MIA2: variants seen among roughly 807,000 people sequenced by gnomAD.
MIA2 encodes the protein melanoma inhibitory activity protein 2.
In MIA2, 127 loss-of-function variants were observed where a neutral mutation model predicts 167.8. That is an observed-to-expected ratio of 0.76 (90% CI 0.66 to 0.88). The LOEUF is 0.88. Among genes scored for constraint, MIA2 ranks in the 40% least tolerant of loss-of-function variants. The probability of loss-of-function intolerance (pLI) is 0.00; values close to 1 mark genes in which losing one functional copy is unlikely to be tolerated. For missense variants in MIA2, 1,690 were observed against 1,624.7 expected (o/e 1.04, Z -0.69); for synonymous variants, 552 against 541.9 (o/e 1.02, Z -0.26).
chr14:39,302,328 A>G (rs1252926783), intron 15 of MIA2, 79 bp downstream of exon 15: 6 of 1,494,710 alleles, frequency 4.0e-6, no homozygotes, highest in Non-Finnish European at 5.5e-6. Flanking sequence ...TGTGTGCACC[A>G]TGTTCTTTAT....
At chr14:39,251,109 A>G (rs1004451820) in intron 4 of MIA2, among the ~76,000 whole-genome samples, 41 of 152,204 alleles carry the variant, frequency 2.7e-4, no homozygotes, top group Admixed American at 2.4e-3. Context: ...ACAAATGAAA[A>G]CTTGCTGTAA....
chr14:39,312,096 G>A (rs1429149010), intron 18 of MIA2, among the ~76,000 whole-genome samples: 2 of 152,130 alleles, frequency 1.3e-5, no homozygotes, highest in African/African-American at 4.8e-5. Flanking sequence ...CCAAAGTGCT[G>A]GGATTATAGG....
intron 9 of MIA2, among the ~76,000 whole-genome samples, chr14:39,288,462 TATATATA>T (rs2060194389): frequency 1.0e-4 from 2 of 20,042 alleles, no homozygotes; most frequent in African/African-American, 1.7e-4. Context: ...TATATATATA[TATATATA>T]TATATATTTT....
intron 2 of MIA2, 41 bp downstream of exon 2, chr14:39,237,096 C>A (rs1013452117): frequency 6.3e-7 from 1 of 1,597,982 alleles, no homozygotes; most frequent in Non-Finnish European, 8.5e-7. Flanking sequence ...GAATAAATGA[C>A]CAACTTGCAC....
Position 39,248,002 on chromosome 14 carries a change from A to AACAGAATT in MIA2, c.1429_1436dup (p.Pro480GlnfsTer15), listed in dbSNP as rs1488057500. ...GGAACTTCCAGAACATTCCAAAGGA[A>AACAGAATT]ACAGAATTGCCATTTCCCAAACAGA... is the stretch of plus-strand genomic sequence containing the variant. On this transcript the variant is annotated frameshift_variant, in exon 4 of 29. Coordinates refer to ENST00000640607, the MANE Select transcript of MIA2 (RefSeq NM_001329214.4). LOFTEE classifies it high-confidence loss of function. 1 of 1,578,320 alleles carries AACAGAATT rather than the reference A, an allele frequency of 6.3e-7. No individual in the cohort carries two copies.
At chr14:39,269,489 T>G (rs1383137103) in intron 6 of MIA2, among the ~76,000 whole-genome samples, 1 of 152,084 alleles carries the variant, frequency 6.6e-6, no homozygotes, top group Non-Finnish European at 1.5e-5. Context: ...ATCCATGTTG[T>G]AGCATGTAAC....
At chr14:39,373,330 C>T (rs930173038) in intron 23 of MIA2, among the ~76,000 whole-genome samples, 1 of 144,824 alleles carries the variant, frequency 6.9e-6, no homozygotes, top group Non-Finnish European at 1.5e-5. Context: ...AAAAGCATGC[C>T]ACTGAGGGAA....
rs542468419 is a variant in MIA2, at chr14:39,388,102, A to G, written c.*1150A>G. ...TGCAATATCTCCAAGGTAGGGCTGT[A>G]CCATAATGCCGAGTTCCCCCATCTG... On this transcript the variant is annotated 3_prime_UTR_variant, in exon 24 of 24. Transcript: ENST00000341502. The surrounding 1 kb of genome is among the most constrained non-coding windows in gnomAD (Gnocchi z 4.1). 7 of 152,318 alleles carry G rather than the reference A, an allele frequency of 4.6e-5. No individual in the cohort carries two copies. Among genetic ancestry groups the G allele is most frequent in the Admixed American group, 6.5e-5 (1 of 15,294 alleles). The allele number at this position is 152,318 out of a possible 1,614,324, so 9.4% of individuals were successfully genotyped here. A position where few individuals can be genotyped will look rare whatever the true frequency, so the allele number is the denominator to read the frequency against.
At chr14:39,278,146 G>T (rs2058440531) in intron 7 of MIA2, among the ~76,000 whole-genome samples, 2 of 151,826 alleles carry the variant, frequency 1.3e-5, no homozygotes, top group South Asian at 4.2e-4. Flanking sequence ...GCTAATTTTT[G>T]TATTTTTTTG....
At chr14:39,261,256 T>TG (rs2055094382) in intron 6 of MIA2, among the ~76,000 whole-genome samples, 1 of 152,152 alleles carries the variant, frequency 6.6e-6, no homozygotes. Context: ...TTTTTGTTCT[T>TG]GCGATAGTTT....
chr14:39,310,428 G>A (rs999727890), intron 18 of MIA2, among the ~76,000 whole-genome samples: 16 of 152,074 alleles, frequency 1.1e-4, no homozygotes, highest in Non-Finnish European at 1.9e-4. Context: ...GTTTAGGCAT[G>A]AATTACAGTG....
intron 6 of MIA2, among the ~76,000 whole-genome samples, chr14:39,258,527 A>T: frequency 6.6e-6 from 1 of 152,174 alleles, no homozygotes; most frequent in Admixed American, 6.5e-5. Flanking sequence ...CTGGGTTAGA[A>T]CATGCTCCTT....
Position 39,294,022 on chromosome 14 carries a change from T to TAC in MIA2, c.2344_2345dup (p.Gln782HisfsTer4), listed in dbSNP as rs1267164258. On this transcript the variant is annotated frameshift_variant, in exon 12 of 29. Transcript: ENST00000640607. LOFTEE classifies it high-confidence loss of function. Reference sequence around the variant, plus strand: ...TAGATGGCGGATATTTCAAAAAGGATACAGTCTCTAGAAGATGAGTCAAAA... The same window carrying TAC: ...TAGATGGCGGATATTTCAAAAAGGATACACAGTCTCTAGAAGATGAGTCAAAA... 1 of 1,611,788 alleles carries TAC rather than the reference T, an allele frequency of 6.2e-7. No individual in the cohort carries two copies. Among genetic ancestry groups the TAC allele is most frequent in the Non-Finnish European group, 8.5e-7 (1 of 1,178,856 alleles).
intron 26 of MIA2, 28 bp from the exon 27 acceptor site, chr14:39,347,685 C>A (rs1595890637): frequency 1.2e-6 from 2 of 1,605,036 alleles, no homozygotes; most frequent in East Asian, 4.5e-5. Flanking sequence ...AAATCATGTA[C>A]TTTTCATGGT....
intron 27 of MIA2, among the ~76,000 whole-genome samples, chr14:39,348,170 A>G (rs2073833915): frequency 6.6e-6 from 1 of 152,304 alleles, no homozygotes; most frequent in Non-Finnish European, 1.5e-5. Flanking sequence ...GAATAGAAAT[A>G]TAGCTAATAA....
At chr14:39,327,169 A>G (rs1170305288) in intron 25 of MIA2, 147 bp downstream of exon 25, 5 of 534,462 alleles carry the variant, frequency 9.4e-6, no homozygotes, top group Admixed American at 4.4e-5. Context: ...TAAATAATCT[A>G]AACAGAATGA....
At chr14:39,306,032 A>G (rs561154109) in intron 17 of MIA2, among the ~76,000 whole-genome samples, 2 of 152,050 alleles carry the variant, frequency 1.3e-5, no homozygotes, top group African/African-American at 2.4e-5. Context: ...AAATTTTAAT[A>G]GAGATAATAC....
chr14:39,313,986 G>T (rs765175095), intron 19 of MIA2, among the ~76,000 whole-genome samples: 1 of 152,080 alleles, frequency 6.6e-6, no homozygotes, highest in Non-Finnish European at 1.5e-5. Context: ...CTCAGAAAGA[G>T]CAAGCTTGCT....
At chr14:39,310,365 C>T (rs942499653) in intron 18 of MIA2, among the ~76,000 whole-genome samples, 1 of 152,050 alleles carries the variant, frequency 6.6e-6, no homozygotes, top group Admixed American at 6.6e-5. Flanking sequence ...TTTTTAAGCA[C>T]AAGAATGCTG....
Sources: allele counts gnomAD v4.1 joint callset (sites outside exome capture counted in the v4.1 genomes callset), GRCh38; gene constraint gnomAD v4.1.1; non-coding constraint Gnocchi (gnomAD v3.1); transcripts MANE v1.5; gene names NCBI Gene and HGNC (gene_info 2026-07-23, HGNC 2026-07-21).